The following PRKG1 variants were observed in gnomAD, a reference collection of about 807,000 sequenced individuals.
The protein encoded by PRKG1 is protein kinase cGMP-dependent 1.
In PRKG1, 35 loss-of-function variants were observed where a neutral mutation model predicts 88.1. The observed-to-expected ratio is 0.40, with a 90% confidence interval of 0.30 to 0.53. The LOEUF is 0.53. Ranked by LOEUF, PRKG1 falls within the 20% of genes least tolerant of loss-of-function variation. The probability of loss-of-function intolerance (pLI) is 0.59; values close to 1 mark genes in which losing one functional copy is unlikely to be tolerated. For missense variants in PRKG1, 540 were observed against 839.8 expected (o/e 0.64, Z 4.41); for synonymous variants, 303 against 292.5 (o/e 1.04, Z -0.37).
intron 4 of PRKG1, among the ~76,000 whole-genome samples, chr10:51,822,420 T>C (rs75314564): frequency 0.024 from 3,584 of 151,998 alleles, 136 homozygotes; most frequent in African/African-American, 0.079. Context: ...GGGCTAGGAA[T>C]TGGGGAAATA....
chr10:51,434,355 C>T (rs931062877), intron 2 of PRKG1, among the ~76,000 whole-genome samples: 3 of 152,106 alleles, frequency 2.0e-5, no homozygotes, highest in African/African-American at 7.2e-5. Context: ...AGGGGGCAAA[C>T]TGCACCTTAA....
intron 2 of PRKG1, among the ~76,000 whole-genome samples, chr10:51,296,472 T>G (rs571747815): frequency 3.6e-4 from 55 of 152,218 alleles, no homozygotes; most frequent in Non-Finnish European, 6.9e-4. Flanking sequence ...AGCATATAAT[T>G]GTTCACAATA....
chr10:52,160,255 G>A lies in PRKG1; in HGVS notation c.1002-1634G>A, dbSNP rs1027031870. ...AAAGTGGGAAATTTTACCATATAAA[G>A]AACAATGACAAAAATAATATTTGAA... On this transcript the variant is annotated intron_variant, in intron 8 of 17. Coordinates refer to ENST00000373980, the MANE Select transcript of PRKG1 (RefSeq NM_006258.4). 3.3e-5 allele frequency among the ~76,000 whole-genome samples: 5 copies of A among 151,938 alleles called. 1 individual carries two copies. The South Asian group carries it at 6.2e-4, about 19-fold the overall frequency.
chr10:51,837,368 T>A (rs1840158793), intron 4 of PRKG1, among the ~76,000 whole-genome samples: 1 of 152,188 alleles, frequency 6.6e-6, no homozygotes, highest in African/African-American at 2.4e-5. Flanking sequence ...AAATACAGTT[T>A]GGAATATGAG....
chr10:51,379,278 C>T (rs557769832), intron 2 of PRKG1, among the ~76,000 whole-genome samples: 2 of 152,094 alleles, frequency 1.3e-5, no homozygotes, highest in Non-Finnish European at 2.9e-5. Context: ...TAACATTTAT[C>T]ACATGTATTC....
In PRKG1 at chr10:51,919,370, A is replaced by C. The variant is rs1177883250; in HGVS notation, c.762+11800A>C. ...GGATGTTCTGTTTGCCTCATGTTCT[A>C]CGTGTTCCCTTAATTATTATGAGAT... is the stretch of plus-strand genomic sequence containing the variant. On this transcript the variant is annotated intron_variant, in intron 5 of 17. Coordinates refer to ENST00000373980, the MANE Select transcript of PRKG1 (RefSeq NM_006258.4). Among the ~76,000 whole-genome samples the C allele has an allele frequency of 6.6e-5, 10 of 152,252 alleles. No individual in the cohort carries two copies. The East Asian group carries it at 1.7e-3, about 26-fold the overall frequency.
At chr10:51,347,461 T>C (rs139417414) in intron 2 of PRKG1, among the ~76,000 whole-genome samples, 8 of 152,288 alleles carry the variant, frequency 5.3e-5, no homozygotes, top group South Asian at 2.1e-4. Context: ...TATAACTTGA[T>C]CTTATGAATG....
At chr10:51,211,014 A>G (rs1224087195) in intron 2 of PRKG1, among the ~76,000 whole-genome samples, 1 of 152,222 alleles carries the variant, frequency 6.6e-6, no homozygotes, top group African/African-American at 2.4e-5. Flanking sequence ...ACAACAAAAA[A>G]AAGAGAATTT....
At chr10:51,938,855 T>C (rs1342915950) in intron 5 of PRKG1, among the ~76,000 whole-genome samples, 2 of 152,022 alleles carry the variant, frequency 1.3e-5, no homozygotes, top group African/African-American at 4.8e-5. Flanking sequence ...AATATCATTG[T>C]ATGTACTTCA....
At chr10:51,538,667 A>G (rs891699032) in intron 3 of PRKG1, among the ~76,000 whole-genome samples, 2 of 150,326 alleles carry the variant, frequency 1.3e-5, no homozygotes, top group African/African-American at 2.4e-5. Context: ...AACCCTAACA[A>G]TGAAAAAAAA....
intron 1 of PRKG1, among the ~76,000 whole-genome samples, chr10:51,082,832 T>C (rs1287391561): frequency 6.6e-6 from 1 of 152,112 alleles, no homozygotes; most frequent in Non-Finnish European, 1.5e-5. Flanking sequence ...AGCCCATTGG[T>C]TCTCAAACAT....
intron 2 of PRKG1, among the ~76,000 whole-genome samples, chr10:51,409,405 C>T (rs530029208): frequency 2.6e-5 from 4 of 152,200 alleles, no homozygotes; most frequent in East Asian, 3.9e-4. Flanking sequence ...ATAAGATTTC[C>T]GTTCGATGAT....
At chr10:52,132,529 A>G (rs1399810364) in intron 7 of PRKG1, among the ~76,000 whole-genome samples, 3 of 152,066 alleles carry the variant, frequency 2.0e-5, no homozygotes, top group Non-Finnish European at 1.5e-5. Context: ...TCGGAAATAT[A>G]TTTCAGAATG....
chr10:51,110,465 A>G lies in PRKG1; in HGVS notation c.311+35564A>G, dbSNP rs555908163. Among the ~76,000 whole-genome samples, 9 of 152,258 alleles carry G rather than the reference A, an allele frequency of 5.9e-5. No homozygotes were observed. The South Asian group carries it at 1.7e-3, about 28-fold the overall frequency. ...GAATATATACTGTTTAATACCATTT[A>G]TACAAAATTCTAGAAAATGCAGACT... On this transcript the variant is annotated intron_variant, in intron 1 of 17. Coordinates refer to ENST00000373980, the MANE Select transcript of PRKG1 (RefSeq NM_006258.4).
intron 5 of PRKG1, among the ~76,000 whole-genome samples, chr10:52,037,934 G>C (rs1168585683): frequency 6.6e-6 from 1 of 152,108 alleles, no homozygotes; most frequent in Non-Finnish European, 1.5e-5. Flanking sequence ...GGAAGATTTG[G>C]GATGAGTGGC....
intron 2 of PRKG1, among the ~76,000 whole-genome samples, chr10:51,253,381 A>G (rs1037453426): frequency 1.3e-5 from 2 of 151,868 alleles, no homozygotes; most frequent in Admixed American, 6.6e-5. Context: ...GCTGTTTTAT[A>G]AGGTTGATTT....
chr10:51,817,353 C>CA (rs1292682381), intron 4 of PRKG1, among the ~76,000 whole-genome samples: 2 of 147,484 alleles, frequency 1.4e-5, no homozygotes, highest in Non-Finnish European at 3.0e-5. Flanking sequence ...CCCAACCCCC[C>CA]CCCTCCCCTG....
At chr10:51,006,922 G>A (rs1232519756) in intron 1 of PRKG1, among the ~76,000 whole-genome samples, 1 of 148,520 alleles carries the variant, frequency 6.7e-6, no homozygotes, top group African/African-American at 2.5e-5. Flanking sequence ...AGTAGGTCTG[G>A]GGAAGGGCCT....
intron 7 of PRKG1, among the ~76,000 whole-genome samples, chr10:52,099,682 C>G (rs953196255): frequency 2.4e-4 from 37 of 152,286 alleles, no homozygotes; most frequent in African/African-American, 8.9e-4. Flanking sequence ...GATACAGGGT[C>G]ATCTATAAGA....
Sources: gnomAD v4.1 joint callset for allele counts (sites outside exome capture counted in the v4.1 genomes callset) on GRCh38, gnomAD v4.1.1 for gene constraint, MANE v1.5 for transcripts, NCBI Gene and HGNC (gene_info 2026-07-23, HGNC 2026-07-21) for gene names.